The following DNER variants were observed in gnomAD, a reference collection of about 807,000 sequenced individuals.
The protein encoded by DNER is delta/notch like EGF repeat containing, also known as delta and Notch-like epidermal growth factor-related receptor.
DNER carries 33 observed loss-of-function variants against 78.2 expected under a neutral mutation model. The observed-to-expected ratio is 0.42, with a 90% confidence interval of 0.32 to 0.56. DNER has a LOEUF of 0.56. Among genes scored for constraint, DNER ranks in the 20% least tolerant of loss-of-function variants. The pLI is 0.11. For missense variants in DNER, 918 were observed against 975.3 expected (o/e 0.94, Z 0.78); for synonymous variants, 417 against 384.8 (o/e 1.08, Z -0.98).
At chr2:229,369,093 T>A (rs1358648232) in intron 11 of DNER, among the ~76,000 whole-genome samples, 1 of 152,202 alleles carries the variant, frequency 6.6e-6, no homozygotes, top group Admixed American at 6.5e-5. Context: ...CTTCGGTTTC[T>A]TTGTTTGTAA....
chr2:229,664,561 CT>C (rs1699058634), intron 1 of DNER, among the ~76,000 whole-genome samples: 1 of 152,148 alleles, frequency 6.6e-6, no homozygotes, highest in Non-Finnish European at 1.5e-5. Flanking sequence ...GCAGATAAGA[CT>C]TCTGGATAAG....
At chr2:229,518,308 G>A (rs1696021296) in intron 5 of DNER, among the ~76,000 whole-genome samples, 2 of 152,188 alleles carry the variant, frequency 1.3e-5, no homozygotes, top group African/African-American at 4.8e-5. Context: ...TTTGAACACT[G>A]CCATGTGTCT....
chr2:229,532,823 G>A (rs1206997459), intron 5 of DNER, among the ~76,000 whole-genome samples: 1 of 152,226 alleles, frequency 6.6e-6, no homozygotes, highest in Non-Finnish European at 1.5e-5. Flanking sequence ...TTGGGGGAAT[G>A]TTCAGTTCAC....
chr2:229,391,715 G>T (rs1005682021), intron 10 of DNER, among the ~76,000 whole-genome samples: 22 of 151,794 alleles, frequency 1.4e-4, no homozygotes, highest in African/African-American at 5.3e-4. Context: ...TGAATTTTTT[G>T]TATTTTTAGT....
At chr2:229,638,883 G>C (rs1259840749) in intron 1 of DNER, among the ~76,000 whole-genome samples, 1 of 152,192 alleles carries the variant, frequency 6.6e-6, no homozygotes, top group Non-Finnish European at 1.5e-5. Context: ...AAAGAAATTA[G>C]GTTCCTAATC....
chr2:229,527,730 T>C (rs908797847), intron 5 of DNER, among the ~76,000 whole-genome samples: 1 of 152,354 alleles, frequency 6.6e-6, no homozygotes, highest in Admixed American at 6.5e-5. Flanking sequence ...TAATAACTTT[T>C]TTTTAAGTTA....
rs529797323 is a variant in DNER at position 229,425,552 on chromosome 2, AG to A, written c.1487-7323del. Among the ~76,000 whole-genome samples, 482 of 152,268 alleles carry A rather than the reference AG, an allele frequency of 3.2e-3. 5 individuals are homozygous for A. Among genetic ancestry groups the A allele is most frequent in the African/African-American group, 0.011 (446 of 41,546 alleles). On this transcript the variant is annotated intron_variant, in intron 8 of 12. Transcript: ENST00000341772. Reference sequence around the variant, plus strand: ...TCCTACTCTCCCCAGTAAAAGGCAAAGCCTTCCATGGCCTTTCACCATCTTC... The same window carrying A: ...TCCTACTCTCCCCAGTAAAAGGCAAACCTTCCATGGCCTTTCACCATCTTC...
chr2:229,680,805 G>A (rs1198036504), intron 1 of DNER, among the ~76,000 whole-genome samples: 1 of 152,120 alleles, frequency 6.6e-6, no homozygotes. Context: ...CTTTCAACAA[G>A]TATCTAAATT....
intron 6 of DNER, among the ~76,000 whole-genome samples, chr2:229,482,641 C>G (rs1305108050): frequency 6.6e-6 from 1 of 152,248 alleles, no homozygotes; most frequent in East Asian, 1.9e-4. Flanking sequence ...ATGCAGGATT[C>G]AACAGAAGCA....
intron 1 of DNER, among the ~76,000 whole-genome samples, chr2:229,611,587 G>A (rs975640872): frequency 3.9e-5 from 6 of 152,130 alleles, no homozygotes; most frequent in South Asian, 4.1e-4. Context: ...CAGGCTTATC[G>A]GCAAATTGAT....
chr2:229,475,283 T>C (rs1695007324), intron 7 of DNER, among the ~76,000 whole-genome samples: 1 of 152,170 alleles, frequency 6.6e-6, no homozygotes, highest in South Asian at 2.1e-4. Context: ...CCCTCCCCTC[T>C]AGGATGAAGA....
chr2:229,664,311 A>G (rs1699055167), intron 1 of DNER, among the ~76,000 whole-genome samples: 1 of 151,090 alleles, frequency 6.6e-6, no homozygotes, highest in African/African-American at 2.5e-5. Flanking sequence ...TTTTGCATCC[A>G]CCAGTGGTAA....
chr2:229,690,240 T>C (rs1699547073), intron 1 of DNER, among the ~76,000 whole-genome samples: 1 of 152,206 alleles, frequency 6.6e-6, no homozygotes, highest in Non-Finnish European at 1.5e-5. Flanking sequence ...CCTAGAGGTC[T>C]AATATGTGGC....
chr2:229,546,903 T>C, intron 5 of DNER, 44 bp downstream of exon 5: 1 of 1,611,562 alleles, frequency 6.2e-7, no homozygotes, highest in African/African-American at 1.3e-5. Context: ...AGGTAAATAT[T>C]CATGTAAATA....
At chr2:229,621,881 C>A (rs1393346576) in intron 1 of DNER, among the ~76,000 whole-genome samples, 1 of 152,046 alleles carries the variant, frequency 6.6e-6, no homozygotes, top group Non-Finnish European at 1.5e-5. Flanking sequence ...GTCAGGAAAT[C>A]GAGACCAACC....
Position 229,504,427 on chromosome 2 carries a change from C to A in DNER, c.1147+8356G>T, listed in dbSNP as rs1381256548. 2.6e-5 allele frequency among the ~76,000 whole-genome samples: 4 copies of A among 152,170 alleles called. No individual in the cohort carries two copies. The South Asian group carries it at 6.2e-4, about 24-fold the overall frequency. ...TAGAGAGAGGGTTTCGCCATATTGG[C>A]CAGGCTAGTCTCAAACTCCTGACCT... On this transcript the variant is annotated intron_variant, in intron 6 of 12. Coordinates refer to ENST00000341772, the MANE Select transcript of DNER (RefSeq NM_139072.4).
chr2:229,606,825 G>A (rs547163358), intron 1 of DNER, among the ~76,000 whole-genome samples: 29 of 152,168 alleles, frequency 1.9e-4, no homozygotes, highest in Admixed American at 2.6e-4. Flanking sequence ...CCCAGGAGGC[G>A]GAGGTTGCGG....
intron 4 of DNER, among the ~76,000 whole-genome samples, chr2:229,581,083 G>A (rs1204224231): frequency 1.3e-5 from 2 of 152,120 alleles, no homozygotes; most frequent in African/African-American, 2.4e-5. Flanking sequence ...GAGGACAGGA[G>A]GCAACATGGG....
intron 1 of DNER, among the ~76,000 whole-genome samples, chr2:229,689,738 A>G (rs1186467007): frequency 6.6e-6 from 1 of 152,212 alleles, no homozygotes; most frequent in East Asian, 1.9e-4. Context: ...TCCCACCATT[A>G]TGATAATCAT....
Sources: gnomAD v4.1 joint callset for allele counts (sites outside exome capture counted in the v4.1 genomes callset) on GRCh38, gnomAD v4.1.1 for gene constraint, MANE v1.5 for transcripts, NCBI Gene and HGNC (gene_info 2026-07-23, HGNC 2026-07-21) for gene names.